The following PRKN variants were observed in gnomAD, a reference collection of about 807,000 sequenced individuals.
PRKN encodes the protein parkin RBR E3 ubiquitin protein ligase.
PRKN carries 56 observed loss-of-function variants against 59.5 expected under a neutral mutation model. The observed-to-expected ratio is 0.94, with a 90% CI of 0.76 to 1.18. The LOEUF is 1.18. Among genes scored for constraint, PRKN ranks in the 50% most tolerant of loss-of-function variants. The probability of loss-of-function intolerance (pLI) is 0.00; values close to 1 mark genes in which losing one functional copy is unlikely to be tolerated. For synonymous variants in PRKN, 250 were observed against 222.1 expected (o/e 1.13, Z -1.12); for missense variants, 657 against 596.4 (o/e 1.10, Z -1.06).
intron 1 of PRKN, among the ~76,000 whole-genome samples, chr6:162,720,354 G>C (rs1417203702): frequency 6.6e-6 from 1 of 151,498 alleles, no homozygotes; most frequent in Non-Finnish European, 1.5e-5. Context: ...CCTCTGTTCA[G>C]GTCTTACAGT....
chr6:162,562,572 G>C (rs1408113555), intron 1 of PRKN, among the ~76,000 whole-genome samples: 5 of 152,150 alleles, frequency 3.3e-5, no homozygotes, highest in African/African-American at 4.8e-5. Flanking sequence ...TACTCCTCAT[G>C]GTCTGGGGTA....
Position 161,551,592 on chromosome 6 carries a change from T to A in PRKN, c.934-2589A>T, listed in dbSNP as rs377173426. ...GTTGGAGCTGGGTGTGTGGCTGCCA[T>A]TGCGGTCTTGAAAAGTCATTTCAGT... On this transcript the variant is annotated intron_variant, in intron 8 of 11. Coordinates refer to ENST00000366898, the MANE Select transcript of PRKN (RefSeq NM_004562.3). This position sits in a 1 kb window ranked among gnomAD's most constrained non-coding sequence, Gnocchi z 5.2. Among the ~76,000 whole-genome samples the A allele has an allele frequency of 6.6e-6, 1 of 152,046 alleles. No individual in the cohort carries two copies. The highest frequency in any genetic ancestry group is 2.4e-5 in the African/African-American group (1 of 41,382).
At chr6:161,453,680 A>C (rs888428723) in intron 9 of PRKN, among the ~76,000 whole-genome samples, 2 of 151,932 alleles carry the variant, frequency 1.3e-5, no homozygotes, top group Non-Finnish European at 2.9e-5. Context: ...TCTTTGAAAT[A>C]AAGAGAACTC....
intron 2 of PRKN, among the ~76,000 whole-genome samples, chr6:162,365,391 C>G (rs1033203704): frequency 6.6e-6 from 1 of 152,006 alleles, no homozygotes; most frequent in Non-Finnish European, 1.5e-5. Flanking sequence ...TGTATTTAAC[C>G]ATTCCCCTAC....
intron 7 of PRKN, among the ~76,000 whole-genome samples, chr6:161,656,166 C>T (rs570428654): frequency 6.6e-6 from 1 of 152,318 alleles, no homozygotes; most frequent in East Asian, 1.9e-4. Context: ...GAAAGAAGAC[C>T]TGTTCTCCAA....
At chr6:161,848,880 C>T (rs948971171) in intron 6 of PRKN, among the ~76,000 whole-genome samples, 4 of 152,138 alleles carry the variant, frequency 2.6e-5, no homozygotes, top group African/African-American at 9.7e-5. Flanking sequence ...ATTTGGTACA[C>T]TTTCTGGAGC....
At chr6:162,057,167 A>G (rs1582967099) in intron 4 of PRKN, among the ~76,000 whole-genome samples, 1 of 151,888 alleles carries the variant, frequency 6.6e-6, no homozygotes, top group Non-Finnish European at 1.5e-5. Context: ...TTAATATCAC[A>G]CCAGTCACAA....
At chr6:162,312,698 T>G (rs1245012109) in intron 2 of PRKN, among the ~76,000 whole-genome samples, 7 of 152,160 alleles carry the variant, frequency 4.6e-5, no homozygotes, top group African/African-American at 1.2e-4. Context: ...ATCCTGATCT[T>G]GTAGAGGTCA....
chr6:161,536,871 GC>G (rs1404309047), intron 9 of PRKN, among the ~76,000 whole-genome samples: 2 of 152,168 alleles, frequency 1.3e-5, no homozygotes, highest in Non-Finnish European at 2.9e-5. Context: ...CAGTGACATA[GC>G]CTCCAAACAG....
chr6:161,930,971 T>C lies in PRKN; in HGVS notation c.734+42331A>G, dbSNP rs111891168. 1.0e-3 allele frequency among the ~76,000 whole-genome samples: 153 copies of C among 152,368 alleles called. 1 individual carries two copies. The highest frequency in any genetic ancestry group is 3.5e-3 in the African/African-American group (146 of 41,592). On this transcript the variant is annotated intron_variant, in intron 6 of 11. Coordinates refer to ENST00000366898, the MANE Select transcript of PRKN (RefSeq NM_004562.3). Reference sequence around the variant, plus strand: ...AGAGCTTCCAGAAGGAACGTAACTCTGCCAACACCTTGATTTTTAGGACTT... The same window carrying C: ...AGAGCTTCCAGAAGGAACGTAACTCCGCCAACACCTTGATTTTTAGGACTT...
intron 7 of PRKN, among the ~76,000 whole-genome samples, chr6:161,749,505 T>A (rs776552043): frequency 6.6e-6 from 1 of 152,182 alleles, no homozygotes; most frequent in Non-Finnish European, 1.5e-5. Context: ...CAGATTTTAA[T>A]GCATTAAATT....
At chr6:162,218,730 C>G (rs1007681224) in intron 3 of PRKN, among the ~76,000 whole-genome samples, 4 of 152,106 alleles carry the variant, frequency 2.6e-5, no homozygotes, top group African/African-American at 9.7e-5. Context: ...GGGAACCTAA[C>G]AGTGAAGCTC....
intron 6 of PRKN, among the ~76,000 whole-genome samples, chr6:161,867,747 T>TTATTTATTTATTTATG (rs1562348567): frequency 2.1e-5 from 3 of 145,112 alleles, no homozygotes; most frequent in African/African-American, 5.4e-5. Context: ...TTTCATTTAT[T>TTATTTATTTATTTATG]TATTTATTTA....
At chr6:161,734,522 TACTCAGGC>T (rs1787885790) in intron 7 of PRKN, among the ~76,000 whole-genome samples, 1 of 152,172 alleles carries the variant, frequency 6.6e-6, no homozygotes, top group Non-Finnish European at 1.5e-5. Context: ...AGGACCTTGG[TACTCAGGC>T]CTGGACTTGT....
intron 1 of PRKN, among the ~76,000 whole-genome samples, chr6:162,475,260 CCATT>C (rs1437348651): frequency 1.3e-5 from 2 of 152,128 alleles, no homozygotes; most frequent in Non-Finnish European, 2.9e-5. Context: ...GCTAAGGCAC[CCATT>C]CATTATTTAT....
At chr6:162,505,917 A>G (rs891418832) in intron 1 of PRKN, among the ~76,000 whole-genome samples, 1 of 152,190 alleles carries the variant, frequency 6.6e-6, no homozygotes, top group African/African-American at 2.4e-5. Flanking sequence ...TTTCTGTAGG[A>G]TAACCACATT....
intron 6 of PRKN, among the ~76,000 whole-genome samples, chr6:161,805,966 G>A (rs545646780): frequency 6.6e-6 from 1 of 152,322 alleles, no homozygotes; most frequent in Admixed American, 6.5e-5. Flanking sequence ...CCAAGAGAAA[G>A]TCCTGCTCCT....
At chr6:162,135,183 C>A (rs1483500708) in intron 4 of PRKN, among the ~76,000 whole-genome samples, 1 of 152,090 alleles carries the variant, frequency 6.6e-6, no homozygotes, top group African/African-American at 2.4e-5. Flanking sequence ...GTCTCCCAGG[C>A]TGGAGTGCAG....
At chr6:161,817,579 A>G (rs1291329939) in intron 6 of PRKN, among the ~76,000 whole-genome samples, 1 of 152,212 alleles carries the variant, frequency 6.6e-6, no homozygotes, top group Non-Finnish European at 1.5e-5. Context: ...GTAAAATGAA[A>G]TATTGTAAAC....
Sources: allele counts gnomAD v4.1 joint callset (sites outside exome capture counted in the v4.1 genomes callset), GRCh38; gene constraint gnomAD v4.1.1; non-coding constraint Gnocchi (gnomAD v3.1); transcripts MANE v1.5; gene names NCBI Gene and HGNC (gene_info 2026-07-23, HGNC 2026-07-21).